The following ASXL3 variants were observed in gnomAD, a reference collection of about 807,000 sequenced individuals.
ASXL3 encodes the protein putative Polycomb group protein ASXL3.
In ASXL3, 34 loss-of-function variants were observed where a neutral mutation model predicts 170.6. The observed-to-expected ratio is 0.20, with a 90% CI of 0.15 to 0.27. ASXL3 has a LOEUF of 0.27. ASXL3 is among the 10% of genes least tolerant of loss of function. The pLI is 1.00. For missense variants in ASXL3, 2,592 were observed against 2,695.3 expected, an observed-to-expected ratio of 0.96 and a Z score of 0.85; for synonymous variants, 1,002 against 989.1, an observed-to-expected ratio of 1.01 and a Z score of -0.24.
At chr18:33,731,460 T>G (rs1290473772) in intron 8 of ASXL3, among the ~76,000 whole-genome samples, 19 of 152,268 alleles carry the variant, frequency 1.2e-4, no homozygotes, top group Non-Finnish European at 1.5e-5. Context: ...TACCTTATGC[T>G]TTTATCTCTA....
At chr18:33,696,483 A>G (rs931317881) in intron 8 of ASXL3, among the ~76,000 whole-genome samples, 3 of 152,134 alleles carry the variant, frequency 2.0e-5, no homozygotes, top group African/African-American at 7.2e-5. Context: ...CCAGATGCCA[A>G]AAGCTGTGAG....
intron 2 of ASXL3, among the ~76,000 whole-genome samples, chr18:33,631,519 GA>G (rs1166303924): frequency 1.3e-5 from 2 of 152,030 alleles, no homozygotes; most frequent in African/African-American, 4.8e-5. Flanking sequence ...CATATCTCAT[GA>G]ATTAATAATG....
chr18:33,670,776 C>T lies in ASXL3; in HGVS notation c.581C>T (p.Ser194Leu), dbSNP rs931090804. 13 of 1,544,818 alleles carry T rather than the reference C, an allele frequency of 8.4e-6. No homozygotes were observed. The highest frequency in any genetic ancestry group is 1.7e-4 in the Middle Eastern group (1 of 5,970). Residue 194 changes from serine (S) to leucine (L), a missense_variant, in exon 6 of 12, where the codon TCG becomes TTG. Around this residue, in one of 4 missense-constraint regions of ASXL3, gnomAD observed 251 missense variants for 281.9 expected, o/e 0.89. Coordinates refer to ENST00000269197, the MANE Select transcript of ASXL3 (RefSeq NM_030632.3). ...CCATTAAAGGTGTCTGATGAGCAGT[C>T]GGATTCGCCTTCAGGTAAAGAGCTG... Reference protein sequence around the residue: ...LTPLKVSDEQSDSPSGSESKN... With the variant: ...LTPLKVSDEQLDSPSGSESKN...
At chr18:33,652,829 G>A (rs1272334216) in intron 4 of ASXL3, among the ~76,000 whole-genome samples, 1 of 151,942 alleles carries the variant, frequency 6.6e-6, no homozygotes, top group Non-Finnish European at 1.5e-5. Context: ...ACAGTTTGAG[G>A]GGTCTTTTAT....
intron 2 of ASXL3, among the ~76,000 whole-genome samples, chr18:33,626,210 C>A (rs1369446559): frequency 6.6e-6 from 1 of 152,100 alleles, no homozygotes; most frequent in South Asian, 2.1e-4. Context: ...AATGGAAATT[C>A]TTTTACTTGG....
In ASXL3 at chr18:33,740,362, G is replaced by T; in HGVS notation, c.2958G>T (p.Gln986His). 6.2e-7 allele frequency: 1 copy of T among 1,611,162 alleles called. No individual in the cohort carries two copies. Among genetic ancestry groups the T allele is most frequent in the East Asian group, 2.2e-5 (1 of 44,816 alleles). Residue 986 changes from glutamine to histidine, a missense_variant, in exon 11 of 12, where the codon CAG becomes CAT. By Grantham distance (24) the Gln-to-His change is conservative. Coordinates refer to ENST00000269197, the MANE Select transcript of ASXL3 (RefSeq NM_030632.3). ...AGAGAGCTAGGATAGAAGATGATCA[G>T]TCAACCCGGAACATATCATCTAGCA... ...KEKRARIEDD[Q>H]STRNISSSSP...
chr18:33,722,015 A>G (rs1323608360), intron 8 of ASXL3, among the ~76,000 whole-genome samples: 1 of 152,082 alleles, frequency 6.6e-6, no homozygotes, highest in African/African-American at 2.4e-5. Flanking sequence ...ATTTTTTACT[A>G]TCGCATTTGT....
intron 2 of ASXL3, among the ~76,000 whole-genome samples, chr18:33,628,933 T>C (rs967948063): frequency 6.6e-6 from 1 of 152,154 alleles, no homozygotes; most frequent in Non-Finnish European, 1.5e-5. Flanking sequence ...ATGTTGATGA[T>C]CGCTGTCTCT....
rs961917270 is a variant in ASXL3, at chr18:33,737,805, G to T, written c.1083-682G>T. On this transcript the variant is annotated intron_variant, in intron 10 of 11. Coordinates refer to ENST00000269197, the MANE Select transcript of ASXL3 (RefSeq NM_030632.3). Reference sequence around the variant, plus strand: ...GATTAGTTTACAAAAACCAATCTTTGGAACTCATTTCAATTTCAGAATTTG... The same window carrying T: ...GATTAGTTTACAAAAACCAATCTTTTGAACTCATTTCAATTTCAGAATTTG... Among the ~76,000 whole-genome samples the T allele has an allele frequency of 5.9e-5, 9 of 152,114 alleles. No homozygotes were observed. In the East Asian group the frequency reaches 1.5e-3, roughly 26 times the overall value.
At chr18:33,698,875 A>G (rs1181811914) in intron 8 of ASXL3, among the ~76,000 whole-genome samples, 1 of 152,170 alleles carries the variant, frequency 6.6e-6, no homozygotes, top group East Asian at 1.9e-4. Context: ...GCTATTCATA[A>G]TAGTTTAAGA....
chr18:33,633,662 CA>C lies in ASXL3; in HGVS notation c.138-11228del, dbSNP rs377349022. On this transcript the variant is annotated intron_variant, in intron 2 of 11. Coordinates refer to ENST00000269197, the MANE Select transcript of ASXL3 (RefSeq NM_030632.3). The stretch of plus-strand genomic sequence containing the variant: ...ATTGAGACCATCCTGGCCAACATGG[CA>C]AAACCCTGTCTCTACTAAAATACAA... Among the ~76,000 whole-genome samples the C allele has an allele frequency of 2.8e-4, 43 of 151,608 alleles. No homozygotes were observed. The East Asian group carries it at 7.6e-3, about 27-fold the overall frequency.
rs8086676 is a variant in ASXL3 at position 33,683,837 on chromosome 18, A to G, written c.879+269A>G. 0.56 allele frequency among the ~76,000 whole-genome samples: 85,070 copies of G among 151,966 alleles called. 24,416 individuals are homozygous for G. Among genetic ancestry groups the G allele is most frequent in the East Asian group, 0.9 (4,643 of 5,154 alleles). On this transcript the variant is annotated intron_variant, in intron 8 of 11. Transcript: ENST00000269197. ...TGGAAAGGGAAAACAAAGAAATCAA[A>G]CATTCCATTATCAAATAAATCTTTA...
At position 33,646,209 on chromosome 18, in the gene ASXL3, C is replaced by A. The variant is rs141410894; in HGVS notation, c.247-36C>A. ...TGAATGTTTTTAGTTGCTAATACAT[C>A]TTCTCCATAAATCATCACTTTTCAA... is the stretch of plus-strand genomic sequence containing the variant. On this transcript the variant is annotated intron_variant, in intron 3 of 11. Coordinates refer to ENST00000269197, the MANE Select transcript of ASXL3 (RefSeq NM_030632.3). The A allele has an allele frequency of 5.2e-6, 8 of 1,547,966 alleles. No homozygotes were observed. The African/African-American group carries it at 1.1e-4, about 21-fold the overall frequency.
At chr18:33,633,714 G>A (rs886682156) in intron 2 of ASXL3, among the ~76,000 whole-genome samples, 2 of 151,770 alleles carry the variant, frequency 1.3e-5, no homozygotes, top group South Asian at 2.1e-4. Flanking sequence ...GCGTGATGGC[G>A]CGTGCCTGTA....
chr18:33,667,457 A>C (rs998287276), intron 5 of ASXL3, among the ~76,000 whole-genome samples: 4 of 152,094 alleles, frequency 2.6e-5, no homozygotes, highest in African/African-American at 9.7e-5. Flanking sequence ...ACCATTTTGG[A>C]GTTCTTTGCT....
intron 2 of ASXL3, among the ~76,000 whole-genome samples, chr18:33,608,359 A>G (rs2065281664): frequency 6.6e-6 from 1 of 151,966 alleles, no homozygotes; most frequent in Non-Finnish European, 1.5e-5. Flanking sequence ...GATATTTAAT[A>G]TAAGTGGAAT....
chr18:33,662,637 T>G (rs1022681743), intron 5 of ASXL3, among the ~76,000 whole-genome samples: 2 of 152,118 alleles, frequency 1.3e-5, no homozygotes, highest in South Asian at 4.1e-4. Flanking sequence ...AAGGTTCACG[T>G]ATTTAATTCT....
intron 8 of ASXL3, among the ~76,000 whole-genome samples, chr18:33,685,108 G>A (rs1035900814): frequency 3.9e-5 from 6 of 152,158 alleles, no homozygotes; most frequent in African/African-American, 1.4e-4. Flanking sequence ...GAGCTGTGAT[G>A]TAATAAGACC....
intron 8 of ASXL3, among the ~76,000 whole-genome samples, chr18:33,730,852 CAATT>C (rs1353841522): frequency 2.6e-5 from 4 of 152,066 alleles, no homozygotes; most frequent in African/African-American, 7.2e-5. Context: ...AACAATAAAT[CAATT>C]AATAAATGAA....
Sources: allele counts gnomAD v4.1 joint callset (sites outside exome capture counted in the v4.1 genomes callset), GRCh38; gene constraint gnomAD v4.1.1; regional missense constraint gnomAD v4.1.1; transcripts MANE v1.5; gene names NCBI Gene and HGNC (gene_info 2026-07-23, HGNC 2026-07-21).